CNTN5: variants seen among roughly 807,000 people sequenced by gnomAD.
CNTN5 encodes contactin-5.
In CNTN5, 77 loss-of-function variants were observed where a neutral mutation model predicts 129.1. That is an observed-to-expected ratio of 0.60 (90% CI 0.50 to 0.72). The LOEUF (loss-of-function observed/expected upper bound fraction) is 0.72, where lower values mean the gene tolerates loss of function less well. Among genes scored for constraint, CNTN5 ranks in the 30% least tolerant of loss-of-function variants. The probability of loss-of-function intolerance (pLI) is 0.00; values close to 1 mark genes in which losing one functional copy is unlikely to be tolerated. For missense variants in CNTN5, 1,478 were observed against 1,328.8 expected (o/e 1.11, Z -1.75); for synonymous variants, 509 against 465.6 (o/e 1.09, Z -1.20).
At chr11:99,154,562 G>A (rs1482836040) in intron 1 of CNTN5, among the ~76,000 whole-genome samples, 1 of 152,206 alleles carries the variant, frequency 6.6e-6, no homozygotes, top group African/African-American at 2.4e-5. Context: ...AAAGTGGTGT[G>A]GAGGTGGCCA....
chr11:99,635,144 T>C (rs1388355415), intron 3 of CNTN5, among the ~76,000 whole-genome samples: 1 of 152,202 alleles, frequency 6.6e-6, no homozygotes, highest in African/African-American at 2.4e-5. Flanking sequence ...CTTTTCTCCT[T>C]TTTAATTTTC....
At chr11:99,848,309 T>A (rs938484571) in intron 6 of CNTN5, among the ~76,000 whole-genome samples, 2 of 152,198 alleles carry the variant, frequency 1.3e-5, no homozygotes, top group African/African-American at 4.8e-5. Context: ...TAATAGAATA[T>A]ACTCACTGTT....
chr11:99,239,806 G>A (rs1056744386), intron 1 of CNTN5, among the ~76,000 whole-genome samples: 9 of 152,064 alleles, frequency 5.9e-5, no homozygotes, highest in Middle Eastern at 3.4e-3. Context: ...GCGTGGTGGC[G>A]GGCGCCTGTA....
At chr11:99,302,023 T>G (rs1047429408) in intron 1 of CNTN5, among the ~76,000 whole-genome samples, 4 of 151,630 alleles carry the variant, frequency 2.6e-5, no homozygotes, top group African/African-American at 9.7e-5. Flanking sequence ...TAAAATACTT[T>G]GAAATGAGGG....
intron 9 of CNTN5, among the ~76,000 whole-genome samples, chr11:100,037,969 C>T (rs1045338982): frequency 3.9e-5 from 6 of 152,086 alleles, no homozygotes; most frequent in African/African-American, 1.4e-4. Flanking sequence ...CTATTTCCTT[C>T]AGTTCTGCTC....
chr11:99,341,231 TAAATA>T (rs756800159), intron 2 of CNTN5, among the ~76,000 whole-genome samples: 11 of 152,140 alleles, frequency 7.2e-5, no homozygotes, highest in South Asian at 2.1e-4. Flanking sequence ...AATATCACAA[TAAATA>T]AAACATTGAA....
chr11:99,161,404 T>G (rs749033052), intron 1 of CNTN5, among the ~76,000 whole-genome samples: 2 of 152,066 alleles, frequency 1.3e-5, no homozygotes. Flanking sequence ...TTTTTTTAAT[T>G]CTAGGATAGT....
At chr11:99,160,721 T>C (rs1241873837) in intron 1 of CNTN5, among the ~76,000 whole-genome samples, 1 of 152,130 alleles carries the variant, frequency 6.6e-6, no homozygotes, top group Non-Finnish European at 1.5e-5. Flanking sequence ...AACACTTACT[T>C]TGAAGCACTG....
rs934087484 is a variant in CNTN5, at chr11:99,399,985, C to T, written c.-71+74501C>T. Among the ~76,000 whole-genome samples the T allele has an allele frequency of 4.6e-5, 7 of 152,114 alleles. No individual in the cohort carries two copies. In the South Asian group the frequency reaches 1.2e-3, roughly 27 times the overall value. ...AGTATCTATCCCCTCAAGTATTTCT[C>T]TTTCATGTTACAAACAATACAATTA... On this transcript the variant is annotated intron_variant, in intron 2 of 24. Coordinates refer to ENST00000524871, the MANE Select transcript of CNTN5 (RefSeq NM_014361.4).
At chr11:99,038,831 C>A (rs1043400934) in intron 1 of CNTN5, among the ~76,000 whole-genome samples, 11 of 151,474 alleles carry the variant, frequency 7.3e-5, no homozygotes, top group Non-Finnish European at 1.3e-4. Flanking sequence ...ATGTATTATT[C>A]ATTTTATAAT....
intron 21 of CNTN5, chr11:100,337,508 C>G: frequency 1.3e-6 from 1 of 741,050 alleles, no homozygotes; most frequent in Non-Finnish European, 2.5e-6. Flanking sequence ...ATCTCAAGAA[C>G]CAGCTCAAAC....
At chr11:99,357,520 C>T (rs759316713) in intron 2 of CNTN5, among the ~76,000 whole-genome samples, 33 of 145,578 alleles carry the variant, frequency 2.3e-4, no homozygotes, top group South Asian at 6.5e-4. Context: ...GGTTTATTTT[C>T]GACAAAATAA....
rs189991516 is a variant in CNTN5, at chr11:100,249,935, T to C, written c.2006-5825T>C. Among the ~76,000 whole-genome samples the C allele has an allele frequency of 4.5e-3, 680 of 152,270 alleles. 5 individuals carry two copies. The highest frequency in any genetic ancestry group is 7.1e-3 in the Non-Finnish European group (484 of 67,988). ...AAGTATCGATAAGCCAATTCTAATA[T>C]TATAACAGTAAATCTTGTTTTCACC... On this transcript the variant is annotated intron_variant, in intron 16 of 24. Transcript: ENST00000524871.
intron 3 of CNTN5, among the ~76,000 whole-genome samples, chr11:99,620,539 T>C (rs685410): frequency 0.44 from 64,041 of 144,686 alleles, 14,765 homozygotes; most frequent in Admixed American, 0.58. Context: ...GCTCTTTAAC[T>C]ACATGAAAAG....
intron 2 of CNTN5, among the ~76,000 whole-genome samples, chr11:99,334,536 GACACACAT>G (rs1002649808): frequency 6.6e-6 from 1 of 151,956 alleles, no homozygotes; most frequent in Non-Finnish European, 1.5e-5. Flanking sequence ...TACACACACA[GACACACAT>G]ACACACATAC....
At chr11:99,577,084 T>C (rs1949379736) in intron 3 of CNTN5, among the ~76,000 whole-genome samples, 1 of 152,218 alleles carries the variant, frequency 6.6e-6, no homozygotes, top group East Asian at 1.9e-4. Flanking sequence ...TTTATTGGAC[T>C]TTTTGTGGCA....
At chr11:99,688,070 G>T (rs1186499593) in intron 3 of CNTN5, among the ~76,000 whole-genome samples, 1 of 152,148 alleles carries the variant, frequency 6.6e-6, no homozygotes, top group African/African-American at 2.4e-5. Flanking sequence ...TTATAAATCA[G>T]CAGTGGATTC....
At chr11:99,092,244 C>T (rs1452290133) in intron 1 of CNTN5, among the ~76,000 whole-genome samples, 1 of 151,996 alleles carries the variant, frequency 6.6e-6, no homozygotes, top group African/African-American at 2.4e-5. Context: ...AAAAGTTAAT[C>T]GGTAGTCCAA....
At chr11:99,993,026 C>G (rs1362765246) in intron 8 of CNTN5, among the ~76,000 whole-genome samples, 1 of 152,140 alleles carries the variant, frequency 6.6e-6, no homozygotes, top group Non-Finnish European at 1.5e-5. Flanking sequence ...AAGAGACAAG[C>G]CTGATATTTT....
Sources: gnomAD v4.1 joint callset for allele counts (sites outside exome capture counted in the v4.1 genomes callset) on GRCh38, gnomAD v4.1.1 for gene constraint, MANE v1.5 for transcripts, NCBI Gene and HGNC (gene_info 2026-07-23, HGNC 2026-07-21) for gene names.